The following CFAP96 variants were observed in gnomAD, a reference collection of about 807,000 sequenced individuals.
CFAP96 encodes the protein cilia-and flagella-associated protein 96.
chr4:185,442,037 T>C, the CFAP96 span, among the ~76,000 whole-genome samples: 1 of 152,166 alleles, frequency 6.6e-6, no homozygotes, highest in Non-Finnish European at 1.5e-5. Flanking sequence ...ACCAAAATTC[T>C]TATTTTTGAA....
chr4:185,439,863 TA>T, the CFAP96 span, among the ~76,000 whole-genome samples: 21 of 147,854 alleles, frequency 1.4e-4, no homozygotes, highest in South Asian at 4.2e-4. Context: ...AATGTTTTTT[TA>T]AATTATAAAA....
chr4:185,428,604 C>A, the CFAP96 span, among the ~76,000 whole-genome samples: 1 of 150,590 alleles, frequency 6.6e-6, no homozygotes, highest in African/African-American at 2.4e-5. Context: ...GAGACTCTGT[C>A]TTAAAACAAT....
the CFAP96 span, chr4:185,415,961 TAAG>T: frequency 8.9e-7 from 1 of 1,124,980 alleles, no homozygotes. Context: ...TATTTATTAT[TAAG>T]AAAAAAATTT....
At chr4:185,441,394 C>T in the CFAP96 span, among the ~76,000 whole-genome samples, 14 of 150,692 alleles carry the variant, frequency 9.3e-5, no homozygotes, top group Non-Finnish European at 5.9e-5. Flanking sequence ...CTTATAAGAT[C>T]TCTTCATATA....
chr4:185,448,023 T>C, the CFAP96 span, among the ~76,000 whole-genome samples: 1 of 152,132 alleles, frequency 6.6e-6, no homozygotes, highest in Admixed American at 6.6e-5. Flanking sequence ...ACGTTTTGTC[T>C]TTTTTTCCTT....
the CFAP96 span, chr4:185,445,542 C>T: frequency 6.5e-7 from 1 of 1,543,818 alleles, no homozygotes. Context: ...TTTGAAATAA[C>T]CTATGAAAAT....
At chr4:185,414,376 A>T in the CFAP96 span, among the ~76,000 whole-genome samples, 1 of 152,220 alleles carries the variant, frequency 6.6e-6, no homozygotes, top group Non-Finnish European at 1.5e-5. Context: ...AAATACACAT[A>T]TATGTTTAAA....
At chr4:185,448,709 AT>A in the CFAP96 span, among the ~76,000 whole-genome samples, 2 of 152,138 alleles carry the variant, frequency 1.3e-5, no homozygotes. Flanking sequence ...TGCCCAACTC[AT>A]CTAATAAACA....
chr4:185,420,499 T>TA, the CFAP96 span, among the ~76,000 whole-genome samples: 299 of 152,010 alleles, frequency 2.0e-3, no homozygotes, highest in African/African-American at 7.0e-3. Context: ...AAAGAGTATT[T>TA]AAAAAATAAA....
the CFAP96 span, among the ~76,000 whole-genome samples, chr4:185,417,635 T>C: frequency 5.3e-4 from 80 of 152,322 alleles, no homozygotes; most frequent in African/African-American, 1.8e-3. Context: ...GGAAACACTG[T>C]CGTCACATTA....
chr4:185,437,391 TAAAG>T, the CFAP96 span, among the ~76,000 whole-genome samples: 6 of 152,314 alleles, frequency 3.9e-5, no homozygotes, highest in African/African-American at 1.2e-4. Flanking sequence ...CAGCATAACA[TAAAG>T]AAAGCAGGTA....
At chr4:185,411,868 A>T in the CFAP96 span, among the ~76,000 whole-genome samples, 1 of 152,250 alleles carries the variant, frequency 6.6e-6, no homozygotes, top group Non-Finnish European at 1.5e-5. Flanking sequence ...TGCAGAGACT[A>T]CGTACAGAAT....
chr4:185,420,299 T>A, the CFAP96 span, among the ~76,000 whole-genome samples: 615 of 152,310 alleles, frequency 4.0e-3, 2 homozygotes, highest in African/African-American at 0.013. Context: ...TTCAAAAAAT[T>A]AGAGTATTTT....
chr4:185,440,995 G>T, the CFAP96 span, among the ~76,000 whole-genome samples: 1 of 150,972 alleles, frequency 6.6e-6, no homozygotes, highest in East Asian at 2.0e-4. Flanking sequence ...CTTTGCCCGG[G>T]CTGGCAGTGC....
At chr4:185,429,684 TTATTTAGA>T in the CFAP96 span, among the ~76,000 whole-genome samples, 7 of 152,220 alleles carry the variant, frequency 4.6e-5, no homozygotes, top group Non-Finnish European at 1.0e-4. Context: ...ATTTATTTAT[TTATTTAGA>T]AACAGGATCT....
the CFAP96 span, among the ~76,000 whole-genome samples, chr4:185,421,629 G>A: frequency 6.6e-6 from 1 of 152,134 alleles, no homozygotes; most frequent in Non-Finnish European, 1.5e-5. Context: ...CTGGCACCAT[G>A]CTTTTTGTAC....
chr4:185,432,275 G>T, the CFAP96 span: 2 of 1,152,074 alleles, frequency 1.7e-6, no homozygotes, highest in South Asian at 3.1e-5. Context: ...TTGTTTTTCT[G>T]TAGGACTTAC....
the CFAP96 span, among the ~76,000 whole-genome samples, chr4:185,446,492 T>TC: frequency 6.6e-6 from 1 of 152,116 alleles, no homozygotes; most frequent in Non-Finnish European, 1.5e-5. Context: ...TCACTCAACA[T>TC]CCATTTAGAG....
the CFAP96 span, chr4:185,436,321 T>A: frequency 2.6e-6 from 4 of 1,551,118 alleles, no homozygotes; most frequent in Middle Eastern, 6.7e-4. Flanking sequence ...GTTTTCACAC[T>A]CTGCCGACTT....
Sources: gnomAD v4.1 joint callset for allele counts (sites outside exome capture counted in the v4.1 genomes callset) on GRCh38, gnomAD v4.1.1 for gene constraint, MANE v1.5 for transcripts, NCBI Gene and HGNC (gene_info 2026-07-23, HGNC 2026-07-21) for gene names.